The following PIEZO2 variants were observed in gnomAD, a reference collection of about 807,000 sequenced individuals.
The protein encoded by PIEZO2 is piezo-type mechanosensitive ion channel component 2.
PIEZO2 carries 172 observed loss-of-function variants against 337.3 expected under a neutral mutation model. That is an observed-to-expected ratio of 0.51 (90% CI 0.45 to 0.58). PIEZO2 has a LOEUF of 0.58. Ranked by LOEUF, PIEZO2 falls within the 20% of genes least tolerant of loss-of-function variation. PIEZO2 has a pLI of 0.00. For missense variants in PIEZO2, 3,028 were observed against 3,391.3 expected, an observed-to-expected ratio of 0.89 and a Z score of 2.66; for synonymous variants, 1,251 against 1,228.5, an observed-to-expected ratio of 1.02 and a Z score of -0.38.
In PIEZO2 at chr18:11,092,736, G is replaced by A. The variant is rs1914473930; in HGVS notation, c.65-26514C>T. ...GAAAGAGGGTCACAAATGAGTTGCA[G>A]CCTTGCCTTTTAGTAATGTAGCCTA... On this transcript the variant is annotated intron_variant, in intron 1 of 55. Transcript: ENST00000674853. This position sits in a 1 kb window ranked among gnomAD's most constrained non-coding sequence, Gnocchi z 4.5. Among the ~76,000 whole-genome samples, 1 of 152,120 alleles carries A rather than the reference G, an allele frequency of 6.6e-6. No individual in the cohort carries two copies. Among genetic ancestry groups the A allele is most frequent in the Non-Finnish European group, 1.5e-5 (1 of 68,026 alleles).
chr18:10,750,009 T>C lies in PIEZO2; in HGVS notation c.4264+82A>G, dbSNP rs749985626. The C allele has an allele frequency of 2.7e-5, 28 of 1,049,024 alleles. No homozygotes were observed. The highest frequency in any genetic ancestry group is 4.7e-5 in the African/African-American group (3 of 63,228). The allele number at this position is 1,049,024 out of a possible 1,614,324, so 65.0% of individuals were successfully genotyped here. On this transcript the variant is annotated intron_variant, in intron 29 of 55. Transcript: ENST00000674853. The surrounding 1 kb of genome is among the most constrained non-coding windows in gnomAD (Gnocchi z 4.1). Reference sequence around the variant, plus strand: ...CCCCACTTTTATATCTTTATGTGCTTTGGCCCACTTTTAAAACTAGAACAA... The same window carrying C: ...CCCCACTTTTATATCTTTATGTGCTCTGGCCCACTTTTAAAACTAGAACAA...
intron 2 of PIEZO2, among the ~76,000 whole-genome samples, chr18:10,989,049 A>C (rs1159051163): frequency 2.0e-5 from 3 of 152,134 alleles, no homozygotes. Flanking sequence ...ACTGTATTGT[A>C]CACTTAAAAT....
In PIEZO2 at chr18:10,847,331, A is replaced by G. The variant is rs2041397266; in HGVS notation, c.917+8022T>C. On this transcript the variant is annotated intron_variant, in intron 7 of 55. Coordinates refer to ENST00000674853, the MANE Select transcript of PIEZO2 (RefSeq NM_001378183.1). This position sits in a 1 kb window ranked among gnomAD's most constrained non-coding sequence, Gnocchi z 5.7. Reference sequence around the variant, plus strand: ...TGTGGGGAATTCTAGGTGCCCACAGAGGCATCTTCTCCATAAAAACTGAAA... The same window carrying G: ...TGTGGGGAATTCTAGGTGCCCACAGGGGCATCTTCTCCATAAAAACTGAAA... 6.6e-6 allele frequency among the ~76,000 whole-genome samples: 1 copy of G among 152,204 alleles called. No homozygotes were observed. Among genetic ancestry groups the G allele is most frequent in the African/African-American group, 2.4e-5 (1 of 41,450 alleles).
chr18:10,778,134 T>A (rs897807903), intron 18 of PIEZO2, among the ~76,000 whole-genome samples: 1 of 152,170 alleles, frequency 6.6e-6, no homozygotes, highest in Admixed American at 6.5e-5. Flanking sequence ...TATAAACATT[T>A]TATTCTCCTT....
At chr18:10,964,190 GATTA>G (rs1246578991) in intron 3 of PIEZO2, among the ~76,000 whole-genome samples, 8 of 152,048 alleles carry the variant, frequency 5.3e-5, no homozygotes, top group Admixed American at 2.0e-4. Context: ...TAATTAAAGT[GATTA>G]ATTAACCTCC....
At chr18:10,765,420 C>T (rs9960775) in intron 21 of PIEZO2, among the ~76,000 whole-genome samples, 4,610 of 152,184 alleles carry the variant, frequency 0.03, 189 homozygotes, top group African/African-American at 0.091. Flanking sequence ...GGGTCTTATA[C>T]CACGTTACGG....
chr18:10,834,876 G>C lies in PIEZO2; in HGVS notation c.917+20477C>G, dbSNP rs1387891589. ...CTCCATCACTCTCACTTTCACAAGG[G>C]CGTGATCATAAGCTTTTGTTTTGTT... On this transcript the variant is annotated intron_variant, in intron 7 of 55. Coordinates refer to ENST00000674853, the MANE Select transcript of PIEZO2 (RefSeq NM_001378183.1). The surrounding 1 kb of genome is among the most constrained non-coding windows in gnomAD (Gnocchi z 4.5). Among the ~76,000 whole-genome samples, 2 of 152,142 alleles carry C rather than the reference G, an allele frequency of 1.3e-5. No homozygotes were observed. The highest frequency in any genetic ancestry group is 2.9e-5 in the Non-Finnish European group (2 of 67,994).
At position 10,789,206 on chromosome 18, in the gene PIEZO2, G is replaced by A; in HGVS notation, c.2042C>T (p.Ala681Val). 1 of 1,537,238 alleles carries A rather than the reference G, an allele frequency of 6.5e-7. No homozygotes were observed. The highest frequency in any genetic ancestry group is 8.7e-7 in the Non-Finnish European group (1 of 1,146,900). Residue 681 changes from alanine to valine, a missense_variant, in exon 15 of 56, where the codon GCC becomes GTC. Ala to Val is a moderately conservative substitution (Grantham distance 64). Transcript: ENST00000674853. ...GTAGATCCAGTACTTGATGAACATGGCCACCACCAGATTGCCCAGGACTTT... is the reference window on the plus strand; with the variant it reads ...GTAGATCCAGTACTTGATGAACATGACCACCACCAGATTGCCCAGGACTTT... The part of the protein sequence containing the change: ...IMKVLGNLVV[A>V]MFIKYWIYVC...
intron 3 of PIEZO2, among the ~76,000 whole-genome samples, chr18:10,947,182 A>C (rs2033067758): frequency 6.6e-6 from 1 of 152,176 alleles, no homozygotes; most frequent in African/African-American, 2.4e-5. Flanking sequence ...AAAGCAGAAA[A>C]TAAACTAAAA....
Position 10,979,665 on chromosome 18 carries a change from G to C in PIEZO2, c.161-5C>G. On this transcript the variant is annotated splice_polypyrimidine_tract_variant and splice_region_variant and intron_variant, in intron 2 of 55. Coordinates refer to ENST00000674853, the MANE Select transcript of PIEZO2 (RefSeq NM_001378183.1). The surrounding 1 kb of genome is among the most constrained non-coding windows in gnomAD (Gnocchi z 4.0). ...TTAATAACCGTCCCGTATGTCCTAA[G>C]GGATAAAAAGTGCAGAGATTGTGAG... 2.0e-6 allele frequency: 3 copies of C among 1,528,902 alleles called. No individual in the cohort carries two copies. Among genetic ancestry groups the C allele is most frequent in the Non-Finnish European group, 1.8e-6 (2 of 1,141,744 alleles). 94.7% of individuals were successfully genotyped at this position (1,528,902 alleles called of 1,614,324 possible).
At chr18:10,908,467 T>C (rs910775269) in intron 4 of PIEZO2, 8 of 152,206 alleles carry the variant, frequency 5.3e-5, no homozygotes, top group Non-Finnish European at 1.2e-4. Context: ...TAAGATATAA[T>C]TGGAATTTCC....
In PIEZO2 at chr18:10,767,799, G is replaced by T. The variant is rs1347016447; in HGVS notation, c.2946+2349C>A. Among the ~76,000 whole-genome samples, 1 of 152,236 alleles carries T rather than the reference G, an allele frequency of 6.6e-6. No homozygotes were observed. The highest frequency in any genetic ancestry group is 1.5e-5 in the Non-Finnish European group (1 of 68,030). ...AAGGGCAGCAGGACTCCACAGAGGA[G>T]TCCAGGAGGAGAAGGTGCTGGCAAC... On this transcript the variant is annotated intron_variant, in intron 21 of 55. Coordinates refer to ENST00000674853, the MANE Select transcript of PIEZO2 (RefSeq NM_001378183.1). The surrounding 1 kb of genome is among the most constrained non-coding windows in gnomAD (Gnocchi z 4.2).
rs1431618088 is a variant in PIEZO2 at position 11,097,913 on chromosome 18, T to C, written c.65-31691A>G. Among the ~76,000 whole-genome samples the C allele has an allele frequency of 6.6e-6, 1 of 152,210 alleles. No homozygotes were observed. Among genetic ancestry groups the C allele is most frequent in the Non-Finnish European group, 1.5e-5 (1 of 68,028 alleles). ...AAGAAAAAATGTGAGGCTTTTATTTTTCACCTCATAGTCTTCCATACTATG... is the reference window on the plus strand; with the variant it reads ...AAGAAAAAATGTGAGGCTTTTATTTCTCACCTCATAGTCTTCCATACTATG... On this transcript the variant is annotated intron_variant, in intron 1 of 55. Transcript: ENST00000674853. The surrounding 1 kb of genome is among the most constrained non-coding windows in gnomAD (Gnocchi z 5.0).
intron 1 of PIEZO2, among the ~76,000 whole-genome samples, chr18:11,082,100 G>T (rs957475655): frequency 6.6e-6 from 1 of 151,968 alleles, no homozygotes; most frequent in Non-Finnish European, 1.5e-5. Flanking sequence ...GACAAAAATG[G>T]GGAGGAAAGT....
In PIEZO2 at chr18:10,895,448, AAATAAT is replaced by A. The variant is rs1030469923; in HGVS notation, c.329+15732_329+15737del. 3.3e-5 allele frequency among the ~76,000 whole-genome samples: 5 copies of A among 151,914 alleles called. No homozygotes were observed. Among genetic ancestry groups the A allele is most frequent in the African/African-American group, 1.2e-4 (5 of 41,356 alleles). On this transcript the variant is annotated intron_variant, in intron 4 of 55. Coordinates refer to ENST00000674853, the MANE Select transcript of PIEZO2 (RefSeq NM_001378183.1). This position sits in a 1 kb window ranked among gnomAD's most constrained non-coding sequence, Gnocchi z 4.8. ...GCAACAGAGCAAGACTCCGTCTCAA[AAATAAT>A]AATAATAATAGTAAGTCAAAAAAGA...
intron 5 of PIEZO2, among the ~76,000 whole-genome samples, chr18:10,868,567 C>T (rs1198613827): frequency 1.3e-5 from 2 of 151,996 alleles, no homozygotes; most frequent in Non-Finnish European, 2.9e-5. Flanking sequence ...GAAAATAATT[C>T]CATAATTATA....
chr18:10,780,748 C>T (rs1026996746), intron 17 of PIEZO2, among the ~76,000 whole-genome samples: 54 of 150,394 alleles, frequency 3.6e-4, no homozygotes, highest in Non-Finnish European at 3.8e-4. Context: ...TGGCAGCCTC[C>T]GCCTCCTGGG....
rs1166958896 is a variant in PIEZO2, at chr18:10,676,704, GGACA to G, written c.8081+1039_8081+1042del. ...GAGATCAATACTTTTTGGGCCAGGT[GGACA>G]GAGAGTGGGAGGAGAATGTGCTTGA... On this transcript the variant is annotated intron_variant, in intron 53 of 55. Coordinates refer to ENST00000674853, the MANE Select transcript of PIEZO2 (RefSeq NM_001378183.1). The surrounding 1 kb of genome is among the most constrained non-coding windows in gnomAD (Gnocchi z 5.1). Among the ~76,000 whole-genome samples, 1 of 152,198 alleles carries G rather than the reference GGACA, an allele frequency of 6.6e-6. No individual in the cohort carries two copies. The highest frequency in any genetic ancestry group is 1.5e-5 in the Non-Finnish European group (1 of 68,034).
rs1483146403 is a variant in PIEZO2 at position 10,750,457 on chromosome 18, T to G, written c.4168-270A>C. On this transcript the variant is annotated intron_variant, in intron 28 of 55. Coordinates refer to ENST00000674853, the MANE Select transcript of PIEZO2 (RefSeq NM_001378183.1). The surrounding 1 kb of genome is among the most constrained non-coding windows in gnomAD (Gnocchi z 4.1). ...GCACCAGTTTATCAAGAAGAAATCT[T>G]GGACGATCATAGAAATAAATCCCAA... is the stretch of plus-strand genomic sequence containing the variant. Among the ~76,000 whole-genome samples the G allele has an allele frequency of 6.6e-6, 1 of 152,234 alleles. No homozygotes were observed. The highest frequency in any genetic ancestry group is 1.5e-5 in the Non-Finnish European group (1 of 68,038).
Sources: allele counts gnomAD v4.1 joint callset (sites outside exome capture counted in the v4.1 genomes callset), GRCh38; gene constraint gnomAD v4.1.1; non-coding constraint Gnocchi (gnomAD v3.1); transcripts MANE v1.5; gene names NCBI Gene and HGNC (gene_info 2026-07-23, HGNC 2026-07-21).